The following RBFOX1 variants were observed in gnomAD, a reference collection of about 807,000 sequenced individuals.
RBFOX1 encodes RNA binding fox-1 homolog 1.
RBFOX1 carries 8 observed loss-of-function variants against 57.7 expected under a neutral mutation model. The observed-to-expected ratio is 0.14, with a 90% CI of 0.08 to 0.25. The LOEUF (loss-of-function observed/expected upper bound fraction) is 0.25, where lower values mean the gene tolerates loss of function less well. RBFOX1 is among the 10% of genes least tolerant of loss of function. The pLI, the probability that RBFOX1 is intolerant of heterozygous loss-of-function variation, is 1.00. For missense variants in RBFOX1, 611 were observed against 548.5 expected, an observed-to-expected ratio of 1.11 and a Z score of -1.14; for synonymous variants, 326 against 222.4, an observed-to-expected ratio of 1.47 and a Z score of -4.15.
intron 4 of RBFOX1, among the ~76,000 whole-genome samples, chr16:7,092,958 C>T (rs542433748): frequency 1.3e-5 from 2 of 152,310 alleles, no homozygotes; most frequent in Non-Finnish European, 1.5e-5. Context: ...TGAATGGTTC[C>T]TTTTCGTAGG....
At chr16:7,294,965 T>C (rs1046788776) in intron 4 of RBFOX1, among the ~76,000 whole-genome samples, 2 of 152,190 alleles carry the variant, frequency 1.3e-5, no homozygotes, top group Non-Finnish European at 2.9e-5. Flanking sequence ...CTTATGTAAA[T>C]TGGAACTATA....
intron 4 of RBFOX1, among the ~76,000 whole-genome samples, chr16:7,455,486 A>G (rs908318822): frequency 2.0e-5 from 3 of 152,118 alleles, no homozygotes; most frequent in Admixed American, 2.0e-4. Context: ...TGTGGGGATA[A>G]TATAAGAAAT....
chr16:5,373,350 G>T (rs2065906782), intron 1 of RBFOX1, among the ~76,000 whole-genome samples: 1 of 152,166 alleles, frequency 6.6e-6, no homozygotes, highest in Non-Finnish European at 1.5e-5. Context: ...GAGGGACCCG[G>T]TGGGAGGTGA....
At position 6,499,885 on chromosome 16, in the gene RBFOX1, G is replaced by C. The variant is rs114332887; in HGVS notation, c.-63-154718G>C. ...TGTCACCTGCTTAGATTACAAAGGA[G>C]TCGGGTAAAAGGATGTGGTAAGGGT... is the stretch of plus-strand genomic sequence containing the variant. On this transcript the variant is annotated intron_variant, in intron 2 of 15. Transcript: ENST00000550418. 9.3e-3 allele frequency among the ~76,000 whole-genome samples: 1,410 copies of C among 152,254 alleles called. 12 individuals carry two copies. Among genetic ancestry groups the C allele is most frequent in the East Asian group, 0.026 (135 of 5,184 alleles).
Position 6,587,571 on chromosome 16 carries a change from C to A in RBFOX1, c.-63-67032C>A, listed in dbSNP as rs139717714. On this transcript the variant is annotated intron_variant, in intron 2 of 15. Transcript: ENST00000550418. ...TGCTGGGATTACAGACATGAGCCAC[C>A]ACGCTCAGCTGTGTGCTTGGCTTCC... Among the ~76,000 whole-genome samples the A allele has an allele frequency of 3.2e-3, 484 of 152,164 alleles. 17 individuals carry two copies. In the South Asian group the frequency reaches 0.081, roughly 25 times the overall value.
chr16:6,515,574 AT>A (rs995093599), intron 2 of RBFOX1, among the ~76,000 whole-genome samples: 82 of 152,234 alleles, frequency 5.4e-4, no homozygotes, highest in Non-Finnish European at 8.2e-4. Flanking sequence ...AAATAGAATA[AT>A]TTTTTTCTAA....
At chr16:6,630,839 AGG>A (rs1001103861) in intron 2 of RBFOX1, among the ~76,000 whole-genome samples, 1 of 152,192 alleles carries the variant, frequency 6.6e-6, no homozygotes, top group Non-Finnish European at 1.5e-5. Context: ...GACTTCCTCT[AGG>A]GCAGTAGTCC....
intron 2 of RBFOX1, among the ~76,000 whole-genome samples, chr16:6,585,802 C>G (rs1465366374): frequency 6.6e-6 from 1 of 152,076 alleles, no homozygotes; most frequent in Admixed American, 6.5e-5. Flanking sequence ...TCTTTCTCTC[C>G]TCTTTGACAA....
At chr16:5,676,068 G>C (rs749061222) in intron 3 of RBFOX1, among the ~76,000 whole-genome samples, 1 of 152,100 alleles carries the variant, frequency 6.6e-6, no homozygotes, top group Non-Finnish European at 1.5e-5. Flanking sequence ...GGGAGGGAAC[G>C]TCGCACACCA....
chr16:6,998,839 T>A (rs8050750), intron 3 of RBFOX1, among the ~76,000 whole-genome samples: 31,446 of 151,806 alleles, frequency 0.21, 3,631 homozygotes, highest in Middle Eastern at 0.33. Flanking sequence ...ACTGGAGTCA[T>A]GTTTCTTCTT....
chr16:7,025,286 C>T (rs1010767769), intron 3 of RBFOX1, among the ~76,000 whole-genome samples: 5 of 152,046 alleles, frequency 3.3e-5, no homozygotes, highest in East Asian at 1.9e-4. Flanking sequence ...ACTATCATGG[C>T]GCTCGTGAGT....
intron 4 of RBFOX1, among the ~76,000 whole-genome samples, chr16:7,493,089 G>C (rs1599874691): frequency 6.6e-6 from 1 of 152,172 alleles, no homozygotes; most frequent in South Asian, 2.1e-4. Flanking sequence ...ATGTTGGTCA[G>C]GCTGGTCTCA....
chr16:5,849,313 G>A (rs151322582), intron 3 of RBFOX1, among the ~76,000 whole-genome samples: 70 of 152,238 alleles, frequency 4.6e-4, no homozygotes, highest in African/African-American at 1.6e-3. Flanking sequence ...AGTAACAAGT[G>A]TCACCAGGTA....
intron 3 of RBFOX1, among the ~76,000 whole-genome samples, chr16:6,982,848 C>T (rs995152169): frequency 1.3e-5 from 2 of 151,944 alleles, no homozygotes; most frequent in African/African-American, 2.4e-5. Context: ...CAAAAATTAG[C>T]TGGGCATGGT....
chr16:5,903,813 A>G (rs995839995), intron 4 of RBFOX1, among the ~76,000 whole-genome samples: 4 of 152,102 alleles, frequency 2.6e-5, no homozygotes, highest in African/African-American at 9.7e-5. Context: ...CATCCCCCTG[A>G]ATTGACCAGT....
chr16:6,817,475 G>A (rs1280838016), intron 3 of RBFOX1, among the ~76,000 whole-genome samples: 1 of 149,624 alleles, frequency 6.7e-6, no homozygotes, highest in African/African-American at 2.5e-5. Context: ...AGGCAGATTG[G>A]TTGAGGTCAA....
intron 4 of RBFOX1, among the ~76,000 whole-genome samples, chr16:7,200,183 C>G (rs189313677): frequency 9.2e-5 from 14 of 152,272 alleles, no homozygotes; most frequent in Admixed American, 7.9e-4. Context: ...AATGCAAAAT[C>G]CTAGGAAGTA....
At chr16:6,567,258 T>C (rs2097279921) in intron 2 of RBFOX1, among the ~76,000 whole-genome samples, 1 of 152,184 alleles carries the variant, frequency 6.6e-6, no homozygotes, top group African/African-American at 2.4e-5. Flanking sequence ...TCAGATACGG[T>C]ATCTTATTTC....
intron 4 of RBFOX1, among the ~76,000 whole-genome samples, chr16:5,923,586 G>A (rs557898910): frequency 7.0e-6 from 1 of 142,924 alleles, no homozygotes; most frequent in Non-Finnish European, 1.5e-5. Flanking sequence ...GTGTGGCCCA[G>A]GCTCGAATGC....
Sources: allele counts gnomAD v4.1 joint callset (sites outside exome capture counted in the v4.1 genomes callset), GRCh38; gene constraint gnomAD v4.1.1; transcripts MANE v1.5; gene names NCBI Gene and HGNC (gene_info 2026-07-23, HGNC 2026-07-21).